Variants in PAK5 observed in about 807,000 individuals in gnomAD.
PAK5 encodes the protein serine/threonine-protein kinase PAK 5.
In PAK5, 16 loss-of-function variants were observed where a neutral mutation model predicts 65.9. The ratio of observed to expected loss-of-function variants is 0.24; its 90% CI spans 0.16 to 0.37. PAK5 has a LOEUF of 0.37. PAK5 is among the 10% of genes least tolerant of loss of function. The pLI is 1.00. For missense variants in PAK5, 785 were observed against 903.9 expected (o/e 0.87, Z 1.69); for synonymous variants, 371 against 354.9 (o/e 1.05, Z -0.51).
chr20:9,791,266 C>A (rs2049047231), intron 1 of PAK5, among the ~76,000 whole-genome samples: 2 of 152,108 alleles, frequency 1.3e-5, no homozygotes, highest in Admixed American at 1.3e-4. Flanking sequence ...TGTCTTTGGG[C>A]ACCTCACAGT....
intron 3 of PAK5, among the ~76,000 whole-genome samples, chr20:9,604,812 G>T (rs1197192283): frequency 6.6e-6 from 1 of 152,168 alleles, no homozygotes; most frequent in Non-Finnish European, 1.5e-5. Context: ...GCCATGGAAT[G>T]CTGTAGGCTA....
intron 9 of PAK5, 135 bp from the exon 10 acceptor site, chr20:9,539,752 G>A: frequency 1.5e-6 from 1 of 681,102 alleles, no homozygotes. Context: ...TGTTGTGAAA[G>A]CAAAAGCATG....
At chr20:9,781,468 T>C (rs1458689526) in intron 1 of PAK5, among the ~76,000 whole-genome samples, 2 of 152,138 alleles carry the variant, frequency 1.3e-5, no homozygotes, top group Non-Finnish European at 2.9e-5. Context: ...TTGTGTAAAC[T>C]GGGATGCTGT....
chr20:9,681,603 A>T (rs1222982232), intron 2 of PAK5, among the ~76,000 whole-genome samples: 1 of 152,140 alleles, frequency 6.6e-6, no homozygotes, highest in Non-Finnish European at 1.5e-5. Flanking sequence ...ATCTCTTTAT[A>T]GCCTTTTTTA....
intron 1 of PAK5, among the ~76,000 whole-genome samples, chr20:9,797,390 G>T (rs11905841): frequency 6.6e-6 from 1 of 150,626 alleles, no homozygotes; most frequent in South Asian, 2.1e-4. Context: ...GCAAACTATC[G>T]CAAGGACAAA....
chr20:9,593,911 A>G (rs1057373191), intron 3 of PAK5, among the ~76,000 whole-genome samples: 1 of 151,956 alleles, frequency 6.6e-6, no homozygotes, highest in Non-Finnish European at 1.5e-5. Context: ...TTGAAACCCA[A>G]TGGAAGGTTT....
chr20:9,616,056 C>T (rs574271346), intron 3 of PAK5, among the ~76,000 whole-genome samples: 7 of 152,278 alleles, frequency 4.6e-5, no homozygotes, highest in East Asian at 1.9e-4. Flanking sequence ...GCCAGTCCCA[C>T]GTCAAGGGGA....
chr20:9,761,458 C>G (rs1398326246), intron 1 of PAK5, among the ~76,000 whole-genome samples: 1 of 152,082 alleles, frequency 6.6e-6, no homozygotes, highest in African/African-American at 2.4e-5. Flanking sequence ...TCATTCTACC[C>G]TGCACAATCT....
intron 1 of PAK5, among the ~76,000 whole-genome samples, chr20:9,809,025 G>T (rs2423473): frequency 6.6e-6 from 1 of 151,784 alleles, no homozygotes; most frequent in Non-Finnish European, 1.5e-5. Context: ...GTATGTCGAT[G>T]TTCTTTATAT....
intron 3 of PAK5, among the ~76,000 whole-genome samples, chr20:9,641,253 G>A (rs1257362415): frequency 6.6e-6 from 1 of 151,560 alleles, no homozygotes; most frequent in African/African-American, 2.4e-5. Flanking sequence ...GCTGATTGGT[G>A]TGTTTACAAA....
chr20:9,545,413 A>G (rs570542578), intron 7 of PAK5, among the ~76,000 whole-genome samples: 128 of 152,340 alleles, frequency 8.4e-4, no homozygotes, highest in African/African-American at 2.9e-3. Flanking sequence ...AAGTGACATC[A>G]AAGAGCCACT....
intron 7 of PAK5, 97 bp from the exon 8 acceptor site, chr20:9,544,591 C>G: frequency 8.7e-7 from 1 of 1,152,428 alleles, no homozygotes; most frequent in Non-Finnish European, 1.3e-6. Flanking sequence ...TAAAACAAAA[C>G]AGTCTCATCA....
Position 9,678,556 on chromosome 20 carries a change from G to A in PAK5, c.-12+32730C>T, listed in dbSNP as rs1430024484. Among the ~76,000 whole-genome samples the A allele has an allele frequency of 5.9e-5, 9 of 152,122 alleles. No individual in the cohort carries two copies. In the East Asian group the frequency reaches 1.7e-3, roughly 29 times the overall value. ...CACTCCAGCCTGGGTGACAGAGCGAGACTCCATCTCAACAAAAGAAACAAA... is the reference window on the plus strand; with the variant it reads ...CACTCCAGCCTGGGTGACAGAGCGAAACTCCATCTCAACAAAAGAAACAAA... On this transcript the variant is annotated intron_variant, in intron 2 of 9. Coordinates refer to ENST00000353224, the MANE Select transcript of PAK5 (RefSeq NM_177990.4).
At chr20:9,641,181 C>A (rs2047054764) in intron 3 of PAK5, among the ~76,000 whole-genome samples, 1 of 151,950 alleles carries the variant, frequency 6.6e-6, no homozygotes, top group Admixed American at 6.6e-5. Context: ...AAGGCCCCAC[C>A]AGAGCAGCTA....
intron 1 of PAK5, among the ~76,000 whole-genome samples, chr20:9,769,265 G>A (rs2048806977): frequency 6.6e-6 from 1 of 152,214 alleles, no homozygotes; most frequent in Non-Finnish European, 1.5e-5. Flanking sequence ...CCAGCTGTGT[G>A]GAGATGAAGC....
At position 9,562,979 on chromosome 20, in the gene PAK5, A is replaced by G. The variant is rs1328443324; in HGVS notation, c.1528T>C (p.Tyr510His). Reference protein sequence around the residue: ...DYHHDNVVDMYSSYLVGDELW... With the variant: ...DYHHDNVVDMHSSYLVGDELW... ...TCATCGCCGACAAGGTAGCTGCTGT[A>G]CATGTCAACCACATTGTCATGGTGG... The change falls in exon 6 of 10, where the codon TAC becomes CAC. Residue 510 changes from tyrosine (Y) to histidine (H), a missense_variant. Tyr to His is a moderately conservative substitution (Grantham distance 83). This residue lies in a region of PAK5 where 182 missense variants were observed against 273.0 expected (regional missense o/e 0.67). Transcript: ENST00000353224. 11 of 1,612,866 alleles carry G rather than the reference A, an allele frequency of 6.8e-6. No homozygotes were observed. Among genetic ancestry groups the G allele is most frequent in the Non-Finnish European group, 8.5e-6 (10 of 1,178,942 alleles).
At chr20:9,548,045 CA>C (rs1208495827) in intron 7 of PAK5, among the ~76,000 whole-genome samples, 2 of 152,178 alleles carry the variant, frequency 1.3e-5, no homozygotes, top group African/African-American at 4.8e-5. Context: ...ACTGCTGGCG[CA>C]AACACACGAG....
At chr20:9,677,481 G>T (rs1030194152) in intron 2 of PAK5, among the ~76,000 whole-genome samples, 20 of 152,050 alleles carry the variant, frequency 1.3e-4, no homozygotes, top group African/African-American at 4.8e-4. Flanking sequence ...TGAAACCCTG[G>T]GTGTGACCAC....
At chr20:9,794,072 C>T (rs1451366994) in intron 1 of PAK5, among the ~76,000 whole-genome samples, 1 of 151,392 alleles carries the variant, frequency 6.6e-6, no homozygotes, top group Non-Finnish European at 1.5e-5. Context: ...CGAACTAACA[C>T]AGGAACAGAA....
Sources: allele counts gnomAD v4.1 joint callset (sites outside exome capture counted in the v4.1 genomes callset), GRCh38; gene constraint gnomAD v4.1.1; regional missense constraint gnomAD v4.1.1; transcripts MANE v1.5; gene names NCBI Gene and HGNC (gene_info 2026-07-23, HGNC 2026-07-21).